OTUD7A: variants seen among roughly 807,000 people sequenced by gnomAD.
The protein encoded by OTUD7A is OTU deubiquitinase 7A.
Under a neutral mutation model 65.7 loss-of-function variants are expected in OTUD7A, and 12 were observed. That is an observed-to-expected ratio of 0.18 (90% CI 0.12 to 0.30). OTUD7A has a LOEUF of 0.30. Among genes scored for constraint, OTUD7A ranks in the 10% least tolerant of loss-of-function variants. The pLI, the probability that OTUD7A is intolerant of heterozygous loss-of-function variation, is 1.00. For missense variants in OTUD7A, 1,148 were observed against 1,304.8 expected (o/e 0.88, Z 1.85); for synonymous variants, 641 against 586.3 (o/e 1.09, Z -1.35).
intron 10 of OTUD7A, among the ~76,000 whole-genome samples, chr15:31,490,123 C>T (rs894853429): frequency 6.6e-6 from 1 of 152,252 alleles, no homozygotes; most frequent in African/African-American, 2.4e-5. Flanking sequence ...TCGTGAGCAG[C>T]GGCTGCTCAG....
rs780958444 is a variant in OTUD7A, at chr15:31,483,915, C to G, written c.2181G>C (p.Lys727Asn). The change falls in exon 13 of 13, where the codon AAG becomes AAC. Residue 727 changes from lysine (K) to asparagine (N), a missense_variant. Coordinates refer to ENST00000307050, the MANE Select transcript of OTUD7A (RefSeq NM_001382637.1). ...GCCCGGGGCTCGGCCGCTCCTTGAG[C>G]TTGAGCACCAGCTGCGTGGGTGGGC... ...SPGPPTQLVL[K>N]LKERPSPGPA... 7.5e-6 allele frequency: 8 copies of G among 1,067,966 alleles called. No homozygotes were observed. Among genetic ancestry groups the G allele is most frequent in the South Asian group, 3.0e-5 (1 of 33,164 alleles). The allele number at this position is 1,067,966 out of a possible 1,614,324, so 66.2% of individuals were successfully genotyped here. A position where few individuals can be genotyped will look rare whatever the true frequency, so the allele number is the denominator to read the frequency against.
chr15:31,710,212 T>C (rs1893406679), intron 1 of OTUD7A, among the ~76,000 whole-genome samples: 1 of 149,262 alleles, frequency 6.7e-6, no homozygotes. Flanking sequence ...CTTTCCCTAA[T>C]AGACATCTGT....
At chr15:31,773,068 A>G (rs1421005083) in intron 1 of OTUD7A, among the ~76,000 whole-genome samples, 1 of 152,168 alleles carries the variant, frequency 6.6e-6, no homozygotes, top group African/African-American at 2.4e-5. Flanking sequence ...AAACCTATCT[A>G]TGTATCTGTA....
chr15:31,860,553 C>T (rs1159778440), intron 1 of OTUD7A, among the ~76,000 whole-genome samples: 1 of 148,760 alleles, frequency 6.7e-6, no homozygotes, highest in African/African-American at 2.5e-5. Flanking sequence ...GAACGATGTC[C>T]ACACAACTCA....
intron 1 of OTUD7A, among the ~76,000 whole-genome samples, chr15:31,830,973 T>C (rs971331678): frequency 1.3e-5 from 2 of 152,150 alleles, no homozygotes; most frequent in Non-Finnish European, 2.9e-5. Context: ...GGACCAACAA[T>C]GGAACAGAAT....
chr15:31,730,195 T>C (rs1894002845), intron 1 of OTUD7A, among the ~76,000 whole-genome samples: 1 of 152,132 alleles, frequency 6.6e-6, no homozygotes, highest in Non-Finnish European at 1.5e-5. Context: ...GAACCAACCA[T>C]GTTGGCACTC....
intron 3 of OTUD7A, among the ~76,000 whole-genome samples, chr15:31,642,601 T>C (rs776596705): frequency 6.6e-6 from 1 of 151,532 alleles, no homozygotes; most frequent in Non-Finnish European, 1.5e-5. Context: ...TTTTTTTTTC[T>C]TGCATAGGCT....
At chr15:31,714,529 T>A (rs947518914) in intron 1 of OTUD7A, among the ~76,000 whole-genome samples, 5 of 152,224 alleles carry the variant, frequency 3.3e-5, no homozygotes, top group Non-Finnish European at 5.9e-5. Flanking sequence ...TACATTTTTT[T>A]ATAATTCATG....
intron 1 of OTUD7A, among the ~76,000 whole-genome samples, chr15:31,836,200 A>G (rs1240051582): frequency 6.6e-6 from 1 of 152,012 alleles, no homozygotes; most frequent in African/African-American, 2.4e-5. Flanking sequence ...CACATTTTCA[A>G]GCAAACTCCA....
chr15:31,623,923 T>A (rs1240555513), intron 3 of OTUD7A, among the ~76,000 whole-genome samples: 1 of 152,246 alleles, frequency 6.6e-6, no homozygotes, highest in Non-Finnish European at 1.5e-5. Context: ...ACCGATTTGA[T>A]TTCAATGATA....
intron 3 of OTUD7A, among the ~76,000 whole-genome samples, chr15:31,636,381 A>T (rs1423280580): frequency 6.6e-6 from 1 of 152,212 alleles, no homozygotes; most frequent in Non-Finnish European, 1.5e-5. Flanking sequence ...GGGCACCACG[A>T]ACCACACCCA....
At chr15:31,514,944 T>TTA (rs2041819934) in intron 8 of OTUD7A, among the ~76,000 whole-genome samples, 1 of 152,150 alleles carries the variant, frequency 6.6e-6, no homozygotes, top group Admixed American at 6.5e-5. Context: ...ACACTGCAGG[T>TTA]GATTAGCCTG....
At chr15:31,820,232 A>G (rs1896645343) in intron 1 of OTUD7A, among the ~76,000 whole-genome samples, 1 of 152,256 alleles carries the variant, frequency 6.6e-6, no homozygotes, top group South Asian at 2.1e-4. Context: ...GAGACTGTCT[A>G]TAAGATGACT....
intron 1 of OTUD7A, among the ~76,000 whole-genome samples, chr15:31,811,187 C>G (rs1446084095): frequency 6.6e-6 from 1 of 151,996 alleles, no homozygotes; most frequent in African/African-American, 2.4e-5. Context: ...AATAATACTT[C>G]TAGCTAGGGA....
At chr15:31,752,656 A>G (rs1894669686) in intron 1 of OTUD7A, among the ~76,000 whole-genome samples, 1 of 152,200 alleles carries the variant, frequency 6.6e-6, no homozygotes, top group Admixed American at 6.5e-5. Flanking sequence ...CAAAAATCAC[A>G]TTCACTAATA....
At chr15:31,803,285 T>C (rs766933325) in intron 1 of OTUD7A, among the ~76,000 whole-genome samples, 2 of 152,176 alleles carry the variant, frequency 1.3e-5, no homozygotes, top group Non-Finnish European at 2.9e-5. Flanking sequence ...TCTTGCCGTA[T>C]CAATCTATAT....
chr15:31,852,176 A>T (rs1183807220), intron 1 of OTUD7A, among the ~76,000 whole-genome samples: 1 of 152,202 alleles, frequency 6.6e-6, no homozygotes, highest in Non-Finnish European at 1.5e-5. Context: ...TTTTAACGCA[A>T]GGTAGACTTT....
At chr15:31,768,267 C>A in intron 1 of OTUD7A, 2 of 763,134 alleles carry the variant, frequency 2.6e-6, no homozygotes, top group Non-Finnish European at 4.7e-6. Context: ...GCAGCCCGGG[C>A]AGCGGCGAGT....
chr15:31,510,580 AACAT>A (rs1390063563), intron 8 of OTUD7A, among the ~76,000 whole-genome samples: 21 of 71,876 alleles, frequency 2.9e-4, no homozygotes, highest in Admixed American at 7.0e-4. Flanking sequence ...ATCTATATGT[AACAT>A]ACATATGTAT....
Sources: gnomAD v4.1 joint callset for allele counts (sites outside exome capture counted in the v4.1 genomes callset) on GRCh38, gnomAD v4.1.1 for gene constraint, MANE v1.5 for transcripts, NCBI Gene and HGNC (gene_info 2026-07-23, HGNC 2026-07-21) for gene names.